Variants in MUC17 observed in about 807,000 individuals in gnomAD.
MUC17 encodes mucin 17, cell surface associated.
A neutral mutation model predicts 170.3 loss-of-function variants in MUC17; 190 were observed. The observed-to-expected ratio is 1.12, with a 90% CI of 0.99 to 1.26. The LOEUF (loss-of-function observed/expected upper bound fraction) is 1.26, where lower values mean the gene tolerates loss of function less well. Ranked by LOEUF, MUC17 falls within the 50% of genes most tolerant of loss-of-function variation. The pLI, the probability that MUC17 is intolerant of heterozygous loss-of-function variation, is 0.00. For synonymous variants in MUC17, 2,325 were observed against 2,002.5 expected (o/e 1.16, Z -4.30); for missense variants, 6,415 against 5,530.0 (o/e 1.16, Z -5.08).
At chr7:101,050,116 G>A (rs1225669600) in intron 6 of MUC17, among the ~76,000 whole-genome samples, 1 of 152,188 alleles carries the variant, frequency 6.6e-6, no homozygotes, top group Admixed American at 6.5e-5. Context: ...GGGCAGCAGT[G>A]AGACTCTGTC....
At chr7:101,051,573 G>C (rs67328257) in intron 7 of MUC17, 40 bp from the exon 8 acceptor site, 2 of 1,602,758 alleles carry the variant, frequency 1.2e-6, no homozygotes, top group Non-Finnish European at 1.7e-6. Context: ...CAGAACAAGC[G>C]TGTATGTGTC....
chr7:101,035,032 G>GT lies in MUC17; in HGVS notation c.3618dup (p.Thr1207TyrfsTer29). 1.2e-6 allele frequency: 2 copies of GT among 1,614,088 alleles called. No homozygotes were observed. Among genetic ancestry groups the GT allele is most frequent in the Middle Eastern group, 3.3e-4 (2 of 6,060 alleles). On this transcript the variant is annotated frameshift_variant, in exon 3 of 13. Transcript: ENST00000306151. LOFTEE classifies it high-confidence loss of function. ...CAGTTCACCTCCTCCAACTGCTGAAGTTACCAGCATGCCAACCTCAACTCC... is the reference window on the plus strand; with the variant it reads ...CAGTTCACCTCCTCCAACTGCTGAAGTTTACCAGCATGCCAACCTCAACTCC...
chr7:101,031,632 A>T lies in MUC17; in HGVS notation c.216A>T (p.Thr72=). Residue 72 remains threonine (T), a synonymous_variant, in exon 3 of 13, where the codon ACA becomes ACT. Coordinates refer to ENST00000306151, the MANE Select transcript of MUC17 (RefSeq NM_001040105.2). ...CGGCAAACACCGCCACAGGTACAAC[A>T]TCTACAAATGTCGTGGAGCCAAGAA... ...GSAANTATGT[T]STNVVEPRMY... 6.4e-7 allele frequency: 1 copy of T among 1,551,762 alleles called. No homozygotes were observed. The highest frequency in any genetic ancestry group is 8.7e-7 in the Non-Finnish European group (1 of 1,150,634).
At position 101,048,041 on chromosome 7, in the gene MUC17, A is replaced by C. The variant is rs370927598; in HGVS notation, c.12461A>C (p.Asp4154Ala). The change falls in exon 4 of 13, where the codon GAT becomes GCT. Residue 4154 changes from aspartate (D) to alanine (A), a missense_variant. Asp to Ala is a moderately radical substitution (Grantham distance 126). Transcript: ENST00000306151. Reference sequence around the variant, plus strand: ...CGCTGCAAGAATGGAGGCACCTGGGATGGGCTCAAGTGCCAGTGTCCCAAC... The same window carrying C: ...CGCTGCAAGAATGGAGGCACCTGGGCTGGGCTCAAGTGCCAGTGTCCCAAC... Reference protein sequence around the residue: ...ASRCKNGGTWDGLKCQCPNLY... With the variant: ...ASRCKNGGTWAGLKCQCPNLY... 7.5e-6 allele frequency: 12 copies of C among 1,608,464 alleles called. No individual in the cohort carries two copies. Among genetic ancestry groups the C allele is most frequent in the Middle Eastern group, 1.7e-4 (1 of 5,900 alleles).
In MUC17 at chr7:101,047,542, T is replaced by C. The variant is rs1584874630; in HGVS notation, c.12404-442T>C. On this transcript the variant is annotated intron_variant, in intron 3 of 12. Coordinates refer to ENST00000306151, the MANE Select transcript of MUC17 (RefSeq NM_001040105.2). Reference sequence around the variant, plus strand: ...CTCATGAGAGTATCATATTAGGCAGTGTCGGAGCCGGGCGCAGTGGCTCAC... The same window carrying C: ...CTCATGAGAGTATCATATTAGGCAGCGTCGGAGCCGGGCGCAGTGGCTCAC... 2.6e-5 allele frequency among the ~76,000 whole-genome samples: 4 copies of C among 152,156 alleles called. 1 individual carries two copies. Among genetic ancestry groups the C allele is most frequent in the Admixed American group, 2.6e-4 (4 of 15,288 alleles).
intron 1 of MUC17, among the ~76,000 whole-genome samples, chr7:101,028,707 T>C (rs1436048080): frequency 1.3e-5 from 2 of 150,638 alleles, no homozygotes; most frequent in East Asian, 4.0e-4. Context: ...GTGAGACCCC[T>C]GTCTCTACAA....
chr7:101,043,484 C>T lies in MUC17; in HGVS notation c.12068C>T (p.Thr4023Ile). The change falls in exon 3 of 13, where the codon ACT becomes ATT. Residue 4023 changes from threonine to isoleucine, a missense_variant. Physicochemically the swap from Thr to Ile is moderately conservative, Grantham distance 89. Transcript: ENST00000306151. ...TPRTTSRGCT[T>I]SASTLSATST... Reference sequence around the variant, plus strand: ...AGAACAACCAGCAGAGGCTGCACTACTTCTGCATCAACGCTTTCTGCAACC... The same window carrying T: ...AGAACAACCAGCAGAGGCTGCACTATTTCTGCATCAACGCTTTCTGCAACC... 1 of 1,614,262 alleles carries T rather than the reference C, an allele frequency of 6.2e-7. No individual in the cohort carries two copies. The highest frequency in any genetic ancestry group is 8.5e-7 in the Non-Finnish European group (1 of 1,180,050).
At position 101,035,035 on chromosome 7, in the gene MUC17, A is replaced by T; in HGVS notation, c.3619A>T (p.Thr1207Ser). ...TTCACCTCCTCCAACTGCTGAAGTT[A>T]CCAGCATGCCAACCTCAACTCCTGG... Reference protein sequence around the residue: ...ASSPPPTAEVTSMPTSTPGER... With the variant: ...ASSPPPTAEVSSMPTSTPGER... Residue 1207 changes from threonine to serine, a missense_variant, in exon 3 of 13, where the codon ACC (threonine) becomes TCC (serine). Physicochemically the swap from Thr to Ser is moderately conservative, Grantham distance 58. Transcript: ENST00000306151. 1.2e-6 allele frequency: 2 copies of T among 1,614,166 alleles called. No homozygotes were observed. The highest frequency in any genetic ancestry group is 3.3e-4 in the Middle Eastern group (2 of 6,060).
At position 101,041,125 on chromosome 7, in the gene MUC17, T is replaced by C. The variant is rs758478416; in HGVS notation, c.9709T>C (p.Ser3237Pro). 1.5e-5 allele frequency: 24 copies of C among 1,613,398 alleles called. 1 individual carries two copies. The Admixed American group carries it at 3.8e-4, about 26-fold the overall frequency. Reference sequence around the variant, plus strand: ...TGTCAGCAACACGCCGGTGGCCAGTTCTGAGGCTAGCATCCTTTCAACAAC... The same window carrying C: ...TGTCAGCAACACGCCGGTGGCCAGTCCTGAGGCTAGCATCCTTTCAACAAC... ...VPVSNTPVAS[S>P]EASILSTTPV... Residue 3237 changes from serine to proline, a missense_variant, in exon 3 of 13, where the codon TCT becomes CCT. By Grantham distance (74) the Ser-to-Pro change is moderately conservative (BLOSUM62 -1). Transcript: ENST00000306151.
chr7:101,042,580 AG>A lies in MUC17; in HGVS notation c.11165del (p.Ser3722ThrfsTer4). The A allele has an allele frequency of 1.2e-6, 2 of 1,614,182 alleles. No individual in the cohort carries two copies. The highest frequency in any genetic ancestry group is 1.6e-4 in the Middle Eastern group (1 of 6,062). On this transcript the variant is annotated frameshift_variant, in exon 3 of 13. Coordinates refer to ENST00000306151, the MANE Select transcript of MUC17 (RefSeq NM_001040105.2). LOFTEE classifies it high-confidence loss of function. ...CCTTTCAACACCTTCTGTTGTCACC[AG>A]CACACCTGTGACCACTTCTACTGAA... Reference protein sequence around the residue: ...STLSTPSVVTSTPVTTSTEAI... With the variant: ...STLSTPSVVTXTPVTTSTEAI...
intron 1 of MUC17, among the ~76,000 whole-genome samples, chr7:101,030,838 C>T (rs1392879148): frequency 1.3e-5 from 2 of 152,160 alleles, no homozygotes; most frequent in Non-Finnish European, 2.9e-5. Flanking sequence ...TGGGCTCAAG[C>T]GATCCTCTCC....
At chr7:101,022,549 G>A (rs889393642) in intron 1 of MUC17, among the ~76,000 whole-genome samples, 1 of 152,166 alleles carries the variant, frequency 6.6e-6, no homozygotes, top group African/African-American at 2.4e-5. Flanking sequence ...CCCAGGCCAG[G>A]TGCAGTGGCT....
At position 101,042,359 on chromosome 7, in the gene MUC17, C is replaced by A; in HGVS notation, c.10943C>A (p.Thr3648Asn). The A allele has an allele frequency of 6.2e-7, 1 of 1,614,142 alleles. No homozygotes were observed. The highest frequency in any genetic ancestry group is 8.5e-7 in the Non-Finnish European group (1 of 1,179,988). The change falls in exon 3 of 13, where the codon ACC becomes AAC. Residue 3648 changes from threonine (T) to asparagine (N), a missense_variant. Coordinates refer to ENST00000306151, the MANE Select transcript of MUC17 (RefSeq NM_001040105.2). ...ATGCCTGTCAGCACCACATCGGTGA[C>A]CATTTCTGAGGCTGGCACAGCTTCA... is the stretch of plus-strand genomic sequence containing the variant. ...TIMPVSTTSV[T>N]ISEAGTASTL...
intron 1 of MUC17, among the ~76,000 whole-genome samples, chr7:101,028,092 CTTTTTTT>C (rs368730167): frequency 2.4e-5 from 3 of 127,392 alleles, no homozygotes; most frequent in African/African-American, 8.7e-5. Context: ...TTTTTTAATT[CTTTTTTT>C]TTTTTTTTTT....
Position 101,042,720 on chromosome 7 carries a change from T to A in MUC17, c.11304T>A (p.Phe3768Leu), listed in dbSNP as rs749020747. ...TCAGTACCACACCTGTTACGAGGTT[T>A]CCTGAGAGTAGCACCCCTTCCATAC... ...ILVSTTPVTR[F>L]PESSTPSIPS... is the part of the protein sequence containing the mutation. Residue 3768 changes from phenylalanine to leucine, a missense_variant, in exon 3 of 13, where the codon TTT (phenylalanine) becomes TTA (leucine). Transcript: ENST00000306151. 6.2e-7 allele frequency: 1 copy of A among 1,613,896 alleles called. No individual in the cohort carries two copies. Among genetic ancestry groups the A allele is most frequent in the Non-Finnish European group, 8.5e-7 (1 of 1,180,028 alleles).
chr7:101,052,162 G>C (rs1423045825), intron 9 of MUC17, among the ~76,000 whole-genome samples, 200 bp downstream of exon 9: 1 of 152,224 alleles, frequency 6.6e-6, no homozygotes, highest in East Asian at 1.9e-4. Context: ...GCTGTGTCCA[G>C]AACAGCCTAA....
chr7:101,048,352 G>A (rs977561766), intron 4 of MUC17: 10 of 293,568 alleles, frequency 3.4e-5, no homozygotes, highest in Non-Finnish European at 6.1e-5. Flanking sequence ...CCAGTACTTT[G>A]GGAGCCTGAG....
intron 7 of MUC17, 38 bp downstream of exon 7, chr7:101,050,673 A>G: frequency 6.2e-7 from 1 of 1,602,890 alleles, no homozygotes. Flanking sequence ...GGGAGAAGGC[A>G]TCAGAGCTGG....
At chr7:101,023,983 T>C (rs1045720302) in intron 1 of MUC17, among the ~76,000 whole-genome samples, 4 of 152,218 alleles carry the variant, frequency 2.6e-5, no homozygotes, top group African/African-American at 9.6e-5. Context: ...CCCTGATGAT[T>C]AGTGATGTTG....
Sources: gnomAD v4.1 joint callset for allele counts (sites outside exome capture counted in the v4.1 genomes callset) on GRCh38, gnomAD v4.1.1 for gene constraint, MANE v1.5 for transcripts, NCBI Gene and HGNC (gene_info 2026-07-23, HGNC 2026-07-21) for gene names.